NHERF2: variants seen among roughly 807,000 people sequenced by gnomAD.
The protein encoded by NHERF2 is NHERF family PDZ scaffold protein 2.
chr16:2,034,322 G>A, the NHERF2 span, among the ~76,000 whole-genome samples: 8 of 151,348 alleles, frequency 5.3e-5, no homozygotes, highest in Non-Finnish European at 1.5e-5. Flanking sequence ...CTGCGTCCCA[G>A]GCCAGCCTGG....
the NHERF2 span, among the ~76,000 whole-genome samples, chr16:2,034,373 C>T: frequency 5.4e-5 from 6 of 112,104 alleles, no homozygotes; most frequent in African/African-American, 2.1e-4. Flanking sequence ...GACTCCTGTC[C>T]CCACGCCTTC....
the NHERF2 span, chr16:2,027,165 G>T: frequency 6.8e-7 from 1 of 1,475,124 alleles, no homozygotes; most frequent in Admixed American, 2.2e-5. Context: ...GCGCGCTGGG[G>T]ACCGCCTGGT....
At chr16:2,036,850 T>C in the NHERF2 span, 2 of 1,611,904 alleles carry the variant, frequency 1.2e-6, no homozygotes, top group Admixed American at 1.7e-5. Flanking sequence ...TCAAGCGGCT[T>C]CGGGTCACAC....
the NHERF2 span, chr16:2,035,561 G>A: frequency 1.0e-6 from 1 of 987,514 alleles, no homozygotes; most frequent in African/African-American, 1.7e-5. Context: ...CCACCGCCAT[G>A]TTTAACTGAG....
the NHERF2 span, among the ~76,000 whole-genome samples, chr16:2,028,689 CT>C: frequency 6.6e-6 from 1 of 152,150 alleles, no homozygotes; most frequent in African/African-American, 2.4e-5. Context: ...TCCCTCCTAT[CT>C]GTTCACCACC....
chr16:2,027,132 TC>T, the NHERF2 span: 1 of 1,471,742 alleles, frequency 6.8e-7, no homozygotes, highest in Admixed American at 2.3e-5. Flanking sequence ...GGAACCCGGT[TC>T]CCCCGCCGAG....
chr16:2,036,065 A>G, the NHERF2 span: 2 of 495,380 alleles, frequency 4.0e-6, no homozygotes, highest in East Asian at 6.5e-5. Context: ...CCTCGAGCCA[A>G]AGGAATTCTC....
the NHERF2 span, chr16:2,036,052 T>C: frequency 1.3e-5 from 6 of 479,580 alleles, no homozygotes; most frequent in East Asian, 2.0e-4. Context: ...TGCGCCACGC[T>C]GGCCTCGAGC....
At chr16:2,028,333 A>G in the NHERF2 span, among the ~76,000 whole-genome samples, 3 of 152,190 alleles carry the variant, frequency 2.0e-5, no homozygotes, top group African/African-American at 7.2e-5. Flanking sequence ...GGATCAGGCC[A>G]GGGGCCTGGA....
At chr16:2,037,221 C>T in the NHERF2 span, among the ~76,000 whole-genome samples, 20 of 152,214 alleles carry the variant, frequency 1.3e-4, no homozygotes, top group Admixed American at 2.6e-4. Flanking sequence ...CTGTCCTCTC[C>T]TGGGCACCAC....
chr16:2,038,400 ACCCC>A, the NHERF2 span: 3 of 334,708 alleles, frequency 9.0e-6, no homozygotes, highest in South Asian at 6.1e-5. Flanking sequence ...AATACCAGAG[ACCCC>A]CCCCCTTCCC....
the NHERF2 span, chr16:2,029,699 G>A: frequency 2.6e-6 from 4 of 1,558,804 alleles, no homozygotes; most frequent in Non-Finnish European, 3.5e-6. Flanking sequence ...GGCCCAGCGA[G>A]GGCTCCCACC....
At chr16:2,038,221 C>G in the NHERF2 span, 13 of 568,062 alleles carry the variant, frequency 2.3e-5, no homozygotes, top group East Asian at 1.2e-4. Context: ...GAGACAGAGA[C>G]AGAGAGAGAG....
chr16:2,028,815 CG>C, the NHERF2 span, among the ~76,000 whole-genome samples: 3 of 152,210 alleles, frequency 2.0e-5, no homozygotes, highest in African/African-American at 7.2e-5. Flanking sequence ...TTTCTCTCCG[CG>C]GGTGTGCGCT....
the NHERF2 span, among the ~76,000 whole-genome samples, chr16:2,037,362 C>T: frequency 6.6e-6 from 1 of 152,172 alleles, no homozygotes; most frequent in Non-Finnish European, 1.5e-5. Flanking sequence ...GGCCACCTGC[C>T]TGTCACTGCC....
the NHERF2 span, chr16:2,029,491 G>A: frequency 3.2e-6 from 4 of 1,247,574 alleles, no homozygotes; most frequent in African/African-American, 1.5e-5. Flanking sequence ...CCGCCTGTCC[G>A]CACGCCTGGG....
At chr16:2,033,177 C>A in the NHERF2 span, 3 of 1,430,852 alleles carry the variant, frequency 2.1e-6, no homozygotes, top group Admixed American at 5.3e-5. Context: ...CGCAGGGGAG[C>A]GGGCTCAGTC....
At chr16:2,029,867 A>T in the NHERF2 span, 1 of 1,243,080 alleles carries the variant, frequency 8.0e-7, no homozygotes, top group East Asian at 2.5e-5. Context: ...GCCTTTGGTC[A>T]CCTCCAGAAG....
chr16:2,036,815 G>C, the NHERF2 span: 3 of 1,613,170 alleles, frequency 1.9e-6, no homozygotes. Context: ...GCTGCTGGTC[G>C]TGGACCCCGA....
Sources: allele counts gnomAD v4.1 joint callset (sites outside exome capture counted in the v4.1 genomes callset), GRCh38; gene constraint gnomAD v4.1.1; transcripts MANE v1.5; gene names NCBI Gene and HGNC (gene_info 2026-07-23, HGNC 2026-07-21).